The following RPS6KA2 variants were observed in gnomAD, a reference collection of about 807,000 sequenced individuals.
RPS6KA2 encodes the protein ribosomal protein S6 kinase A2.
Under a neutral mutation model 91.8 loss-of-function variants are expected in RPS6KA2, and 42 were observed. The observed-to-expected ratio is 0.46, with a 90% CI of 0.36 to 0.59. The LOEUF (loss-of-function observed/expected upper bound fraction) is 0.59. Ranked by LOEUF, RPS6KA2 falls within the 20% of genes least tolerant of loss-of-function variation. RPS6KA2 has a pLI of 0.00. For synonymous variants in RPS6KA2, 414 were observed against 393.6 expected (o/e 1.05, Z -0.61); for missense variants, 798 against 978.5 (o/e 0.82, Z 2.46).
At chr6:166,858,394 C>G (rs1365401544) in intron 1 of RPS6KA2, 4 of 631,784 alleles carry the variant, frequency 6.3e-6, no homozygotes, top group Non-Finnish European at 1.1e-5. Context: ...AACCATATCA[C>G]CGTCCCTTCC....
At chr6:166,722,987 A>G (rs987964263) in intron 2 of RPS6KA2, among the ~76,000 whole-genome samples, 7 of 152,216 alleles carry the variant, frequency 4.6e-5, no homozygotes, top group East Asian at 1.9e-4. Flanking sequence ...GACTATGACA[A>G]CCGTTAAGCG....
chr6:166,669,218 C>T (rs1788404891), intron 2 of RPS6KA2, among the ~76,000 whole-genome samples: 1 of 152,056 alleles, frequency 6.6e-6, no homozygotes, highest in Admixed American at 6.6e-5. Context: ...TTAATGGGGA[C>T]AGTGACAGGA....
intron 10 of RPS6KA2, among the ~76,000 whole-genome samples, chr6:166,483,706 A>G (rs1356446152): frequency 1.3e-5 from 2 of 152,174 alleles, no homozygotes; most frequent in African/African-American, 4.8e-5. Flanking sequence ...CACATTCGGG[A>G]AGGGAGGACC....
chr6:166,586,907 C>G (rs1785193484), intron 1 of RPS6KA2, among the ~76,000 whole-genome samples: 2 of 152,214 alleles, frequency 1.3e-5, no homozygotes, highest in Non-Finnish European at 2.9e-5. Flanking sequence ...CCAGTGGGGA[C>G]TACATTACCC....
chr6:166,416,262 T>TC (rs1268669382), intron 19 of RPS6KA2, among the ~76,000 whole-genome samples: 2 of 22,790 alleles, frequency 8.8e-5, no homozygotes, highest in Admixed American at 9.2e-4. Flanking sequence ...CACCATTTTT[T>TC]CTCTGTCACC....
intron 2 of RPS6KA2, among the ~76,000 whole-genome samples, chr6:166,837,804 G>C (rs901833434): frequency 2.0e-5 from 3 of 152,244 alleles, no homozygotes; most frequent in Non-Finnish European, 4.4e-5. Flanking sequence ...TTGCAAACCA[G>C]GTTGTCACTG....
rs1780194998 is a variant in RPS6KA2, at chr6:166,459,215, A to G, written c.1075+234T>C. On this transcript the variant is annotated intron_variant, in intron 12 of 20. Transcript: ENST00000265678. The surrounding 1 kb of genome is among the most constrained non-coding windows in gnomAD (Gnocchi z 4.9). ...ACTGGACCGGTGTCTTGGAATAAGG[A>G]TACCTTCATCATTTCCAAGGTGGAG... Among the ~76,000 whole-genome samples, 2 of 152,210 alleles carry G rather than the reference A, an allele frequency of 1.3e-5. No individual in the cohort carries two copies. The highest frequency in any genetic ancestry group is 4.8e-5 in the African/African-American group (2 of 41,440).
At chr6:166,515,476 A>T (rs1782615289) in intron 3 of RPS6KA2, among the ~76,000 whole-genome samples, 1 of 152,202 alleles carries the variant, frequency 6.6e-6, no homozygotes, top group South Asian at 2.1e-4. Context: ...TTCCTGATGT[A>T]GATAAAAAGA....
At chr6:166,617,032 G>A (rs775109239) in intron 1 of RPS6KA2, among the ~76,000 whole-genome samples, 9 of 152,232 alleles carry the variant, frequency 5.9e-5, no homozygotes, top group Non-Finnish European at 1.2e-4. Context: ...GGCTCTGCCT[G>A]ACAGAAGGTG....
intron 1 of RPS6KA2, among the ~76,000 whole-genome samples, chr6:166,588,656 T>G (rs942152086): frequency 2.0e-5 from 3 of 152,178 alleles, no homozygotes; most frequent in Non-Finnish European, 4.4e-5. Flanking sequence ...CAATCAAAGG[T>G]GGAACTAGAT....
At chr6:166,553,893 A>G (rs1409607933) in intron 1 of RPS6KA2, among the ~76,000 whole-genome samples, 12 of 152,154 alleles carry the variant, frequency 7.9e-5, no homozygotes, top group Admixed American at 4.6e-4. Flanking sequence ...CCCCACCGAG[A>G]TTTGCATCCG....
chr6:166,445,592 G>A lies in RPS6KA2; in HGVS notation c.1332+3132C>T, dbSNP rs9295346. ...CCTGGGGGCCACAGTTACCCCAAAT[G>A]AATATGACTGCCCTGGGCAGAATCC... On this transcript the variant is annotated intron_variant, in intron 14 of 20. Coordinates refer to ENST00000265678, the MANE Select transcript of RPS6KA2 (RefSeq NM_021135.6). The surrounding 1 kb of genome is among the most constrained non-coding windows in gnomAD (Gnocchi z 4.5). 0.3 allele frequency among the ~76,000 whole-genome samples: 45,878 copies of A among 152,030 alleles called. 7,137 individuals carry two copies. The highest frequency in any genetic ancestry group is 0.4 in the Admixed American group (6,086 of 15,288).
chr6:166,654,425 C>T (rs1028041174), intron 2 of RPS6KA2, among the ~76,000 whole-genome samples: 4 of 151,918 alleles, frequency 2.6e-5, no homozygotes, highest in Non-Finnish European at 4.4e-5. Flanking sequence ...CACTGCCAGC[C>T]GGGTGAATTC....
intron 2 of RPS6KA2, among the ~76,000 whole-genome samples, chr6:166,751,230 G>T (rs144117349): frequency 2.0e-5 from 3 of 152,222 alleles, no homozygotes; most frequent in East Asian, 1.9e-4. Flanking sequence ...CTTCCAAGCC[G>T]CCTGCTTGTT....
chr6:166,709,922 T>C lies in RPS6KA2; in HGVS notation c.123+148278A>G, dbSNP rs944040976. Reference sequence around the variant, plus strand: ...ATTGTGGGCAGAACAACTGTGATTTTCTAAATGGAAGCACATCTTTAAAAC... The same window carrying C: ...ATTGTGGGCAGAACAACTGTGATTTCCTAAATGGAAGCACATCTTTAAAAC... On this transcript the variant is annotated intron_variant, in intron 2 of 21. Coordinates refer to the RPS6KA2 transcript ENST00000503859. 3.9e-5 allele frequency among the ~76,000 whole-genome samples: 6 copies of C among 152,252 alleles called. No individual in the cohort carries two copies. In the East Asian group the frequency reaches 9.6e-4, roughly 24 times the overall value.
intron 2 of RPS6KA2, among the ~76,000 whole-genome samples, chr6:166,642,529 TA>T (rs1327556444): frequency 1.3e-5 from 2 of 152,256 alleles, no homozygotes; most frequent in Non-Finnish European, 2.9e-5. Context: ...TAAAACCTTC[TA>T]ATGTTTTCAT....
intron 2 of RPS6KA2, among the ~76,000 whole-genome samples, chr6:166,792,947 G>C (rs2128614787): frequency 6.6e-6 from 1 of 152,216 alleles, no homozygotes; most frequent in East Asian, 1.9e-4. Context: ...ACTGGCACAA[G>C]ACAGGGATGA....
At chr6:166,858,389 T>C (rs1780965299) in intron 1 of RPS6KA2, 2 of 643,160 alleles carry the variant, frequency 3.1e-6, no homozygotes, top group Non-Finnish European at 5.6e-6. Context: ...ATGGAAACCA[T>C]ATCACCGTCC....
rs1286599969 is a variant in RPS6KA2 at position 166,732,975 on chromosome 6, G to T, written c.123+125225C>A. On this transcript the variant is annotated intron_variant, in intron 2 of 21. Coordinates refer to the RPS6KA2 transcript ENST00000503859. The surrounding 1 kb of genome is among the most constrained non-coding windows in gnomAD (Gnocchi z 4.0). ...GAGGAACCGGAGCGGCTGGGGTGCA[G>T]GGTGGGAGGCAGGGGTGCACACTTA... is the stretch of plus-strand genomic sequence containing the variant. 1.3e-5 allele frequency among the ~76,000 whole-genome samples: 2 copies of T among 152,204 alleles called. No homozygotes were observed. Among genetic ancestry groups the T allele is most frequent in the Non-Finnish European group, 2.9e-5 (2 of 68,042 alleles).
Sources: allele counts gnomAD v4.1 joint callset (sites outside exome capture counted in the v4.1 genomes callset), GRCh38; gene constraint gnomAD v4.1.1; non-coding constraint Gnocchi (gnomAD v3.1); transcripts MANE v1.5; gene names NCBI Gene and HGNC (gene_info 2026-07-23, HGNC 2026-07-21).